Variants in GAREM2 observed in about 807,000 individuals in gnomAD.
GAREM2 encodes the protein GRB2-associated and regulator of MAPK protein 2.
A neutral mutation model predicts 55.6 loss-of-function variants in GAREM2; 30 were observed. The ratio of observed to expected loss-of-function variants is 0.54; its 90% confidence interval spans 0.40 to 0.73. The LOEUF (loss-of-function observed/expected upper bound fraction) is 0.73. Ranked by LOEUF, GAREM2 falls within the 30% of genes least tolerant of loss-of-function variation. The probability of loss-of-function intolerance (pLI) is 0.00; values close to 1 mark genes in which losing one functional copy is unlikely to be tolerated. For synonymous variants in GAREM2, 550 were observed against 569.1 expected (o/e 0.97, Z 0.48); for missense variants, 1,075 against 1,257.7 (o/e 0.85, Z 2.20).
downstream of GAREM2, chr2:26,194,584 T>C (rs780480297): frequency 1.8e-5 from 29 of 1,608,946 alleles, no homozygotes; most frequent in Admixed American, 4.7e-4. Context: ...AGGATTCGGA[T>C]GACTTCAGAC....
chr2:26,194,599 T>C (rs376734813), downstream of GAREM2: 14 of 1,612,498 alleles, frequency 8.7e-6, no homozygotes, highest in Non-Finnish European at 1.2e-5. Context: ...TCAGACATCA[T>C]GGGCGCAAGA....
downstream of GAREM2, among the ~76,000 whole-genome samples, chr2:26,192,016 C>T (rs577984811): frequency 1.4e-3 from 210 of 152,274 alleles, 1 homozygote; most frequent in Admixed American, 3.9e-3. Context: ...GGGCCTTCAC[C>T]AGACGTGGCC....
rs1159662524 is a variant in GAREM2 at position 26,179,671 on chromosome 2, T to G, written c.253+3187T>G. 6.6e-6 allele frequency among the ~76,000 whole-genome samples: 1 copy of G among 152,038 alleles called. No individual in the cohort carries two copies. Among genetic ancestry groups the G allele is most frequent in the African/African-American group, 2.4e-5 (1 of 41,396 alleles). On this transcript the variant is annotated intron_variant, in intron 2 of 5. Transcript: ENST00000401533. The surrounding 1 kb of genome is among the most constrained non-coding windows in gnomAD (Gnocchi z 4.7). Reference sequence around the variant, plus strand: ...GGGAGGCAGGAGAGGAAGCCGCCCCTGGGCTGGCGGGGAGGAAAAGGCTTC... The same window carrying G: ...GGGAGGCAGGAGAGGAAGCCGCCCCGGGGCTGGCGGGGAGGAAAAGGCTTC...
rs1490111697 is a variant in GAREM2 at position 26,176,357 on chromosome 2, G to C, written c.126G>C (p.Glu42Asp). 1 of 1,546,050 alleles carries C rather than the reference G, an allele frequency of 6.5e-7. No homozygotes were observed. Among genetic ancestry groups the C allele is most frequent in the East Asian group, 2.5e-5 (1 of 40,648 alleles). Residue 42 changes from glutamate (E) to aspartate (D), a missense_variant, in exon 2 of 6, where the codon GAG becomes GAC. Physicochemically the swap from Glu to Asp is conservative, Grantham distance 45. Around this residue, in one of 6 missense-constraint regions of GAREM2, gnomAD observed 230 missense variants for 310.6 expected, o/e 0.74. Transcript: ENST00000401533. ...CCCCCTTCCCAGGGGAGTACGCCGA[G>C]GGCGTCAGTGAGCGAGACATCCTGC... is the stretch of plus-strand genomic sequence containing the variant. ...LACLGPGEYA[E>D]GVSERDILLI...
chr2:26,186,990 T>G (rs1459692347), intron 5 of GAREM2, among the ~76,000 whole-genome samples: 1 of 152,192 alleles, frequency 6.6e-6, no homozygotes, highest in Admixed American at 6.5e-5. Flanking sequence ...GAAAAAAAAT[T>G]GAAAGAAAAT....
intron 2 of GAREM2, chr2:26,181,014 G>A (rs1669034822): frequency 2.0e-6 from 2 of 985,276 alleles, no homozygotes; most frequent in African/African-American, 1.7e-5. Flanking sequence ...AAGCCTGCTG[G>A]GTCTCCCTTC....
Position 26,189,064 on chromosome 2 carries a change from A to G in GAREM2, c.*807A>G, listed in dbSNP as rs1669400769. 1 of 152,226 alleles carries G rather than the reference A, an allele frequency of 6.6e-6. No individual in the cohort carries two copies. Among genetic ancestry groups the G allele is most frequent in the African/African-American group, 2.4e-5 (1 of 41,456 alleles). 9.4% of individuals were successfully genotyped at this position (152,226 alleles called of 1,614,324 possible). On this transcript the variant is annotated 3_prime_UTR_variant, in exon 6 of 6. Transcript: ENST00000401533. ...CAGTCTCAGAATACTGATTCCGTGG[A>G]AGAGCAGGTTGATTTAGGTCAGCTT...
chr2:26,185,525 GC>G (rs1264745823), intron 4 of GAREM2, among the ~76,000 whole-genome samples: 1 of 152,114 alleles, frequency 6.6e-6, no homozygotes, highest in Non-Finnish European at 1.5e-5. Context: ...TTTGAGAGGA[GC>G]CCCGAAGCAC....
chr2:26,187,390 C>T lies in GAREM2; in HGVS notation c.1758C>T (p.Ala586=). 1 of 1,546,988 alleles carries T rather than the reference C, an allele frequency of 6.5e-7. No individual in the cohort carries two copies. ...CACAGCCCAGCCAGGCCTCCCGGGC[C>T]CTCACAGAGCCTCTGAGCGGTCGAG... ...STTQPSQASR[A]LTEPLSGRAA... The change falls in exon 6 of 6, where the codon GCC becomes GCT. Residue 586 remains alanine, a synonymous_variant. Coordinates refer to ENST00000401533, the MANE Select transcript of GAREM2 (RefSeq NM_001168241.2).
In GAREM2 at chr2:26,184,858, T is replaced by A. The variant is rs751025777; in HGVS notation, c.1010T>A (p.Val337Asp). ...GGCCTGCTGGCCGGGGACCCGCGCGTCGAGCGCCTGGTGCGCGACAGCGCC... is the reference window on the plus strand; with the variant it reads ...GGCCTGCTGGCCGGGGACCCGCGCGACGAGCGCCTGGTGCGCGACAGCGCC... ...PQGLLAGDPR[V>D]ERLVRDSASY... Residue 337 changes from valine (V) to aspartate (D), a missense_variant, in exon 4 of 6, where the codon GTC becomes GAC. Val to Asp is a radical substitution (Grantham distance 152). Around this residue, in one of 6 missense-constraint regions of GAREM2, gnomAD observed 170 missense variants for 220.7 expected, o/e 0.77. Transcript: ENST00000401533. The A allele has an allele frequency of 1.3e-5, 19 of 1,469,414 alleles. No individual in the cohort carries two copies. The highest frequency in any genetic ancestry group is 1.5e-5 in the Non-Finnish European group (17 of 1,119,224). 91.0% of individuals were successfully genotyped at this position (1,469,414 alleles called of 1,614,324 possible).
the GAREM2 span, among the ~76,000 whole-genome samples, chr2:26,197,936 G>A: frequency 6.6e-6 from 1 of 152,176 alleles, no homozygotes; most frequent in South Asian, 2.1e-4. Context: ...GGATCACCTA[G>A]GGGGTTTTGT....
downstream of GAREM2, chr2:26,191,750 G>T: frequency 1.0e-6 from 1 of 983,176 alleles, no homozygotes; most frequent in Admixed American, 1.8e-5. Context: ...GTTGGTGCTG[G>T]CCCTCAGAGA....
chr2:26,201,691 C>T, the GAREM2 span, among the ~76,000 whole-genome samples: 1 of 152,108 alleles, frequency 6.6e-6, no homozygotes, highest in Admixed American at 6.5e-5. Context: ...TAATTCTCTA[C>T]CTATGACAGG....
At chr2:26,197,740 G>C in the GAREM2 span, 1 of 1,559,796 alleles carries the variant, frequency 6.4e-7, no homozygotes, top group Non-Finnish European at 8.8e-7. Context: ...TGGGAGAGCA[G>C]ATGTGTTACT....
chr2:26,176,598 G>A, intron 2 of GAREM2, 114 bp downstream of exon 2: 3 of 1,027,584 alleles, frequency 2.9e-6, no homozygotes, highest in East Asian at 3.2e-5. Flanking sequence ...TAGGGTTAGG[G>A]TTGGAGTCAG....
In GAREM2 at chr2:26,173,191, C is replaced by A; in HGVS notation, c.-30C>A. 9.5e-7 allele frequency: 1 copy of A among 1,050,320 alleles called. No homozygotes were observed. Among genetic ancestry groups the A allele is most frequent in the Non-Finnish European group, 1.2e-6 (1 of 821,144 alleles). The allele number at this position is 1,050,320 out of a possible 1,614,324, so 65.1% of individuals were successfully genotyped here. A position where few individuals can be genotyped will look rare whatever the true frequency, so the allele number is the denominator to read the frequency against. ...CCGCGCGGGACTGACCGTCGGGGCC[C>A]CGGGACGGCGGCCCCGGGGCGCCCA... is the stretch of plus-strand genomic sequence containing the variant. On this transcript the variant is annotated 5_prime_UTR_variant, in exon 1 of 6. Transcript: ENST00000401533.
chr2:26,200,683 T>C, the GAREM2 span, among the ~76,000 whole-genome samples: 2 of 152,322 alleles, frequency 1.3e-5, no homozygotes, highest in Admixed American at 6.5e-5. Flanking sequence ...CTTTATAACA[T>C]ATGCAGTGTG....
chr2:26,198,977 C>T, the GAREM2 span, among the ~76,000 whole-genome samples: 1 of 151,926 alleles, frequency 6.6e-6, no homozygotes, highest in Non-Finnish European at 1.5e-5. Flanking sequence ...TCACCGCAAG[C>T]TTTGCCGCCT....
chr2:26,195,047 T>A, the GAREM2 span: 1 of 1,506,288 alleles, frequency 6.6e-7, no homozygotes, highest in South Asian at 1.1e-5. Context: ...GGAGTCTTAT[T>A]AGAACTTTTC....
Sources: allele counts gnomAD v4.1 joint callset (sites outside exome capture counted in the v4.1 genomes callset), GRCh38; gene constraint gnomAD v4.1.1; regional missense constraint gnomAD v4.1.1; non-coding constraint Gnocchi (gnomAD v3.1); transcripts MANE v1.5; gene names NCBI Gene and HGNC (gene_info 2026-07-23, HGNC 2026-07-21).